Variants in TASP1 observed in about 807,000 individuals in gnomAD.
TASP1 encodes the protein threonine aspartase 1.
TASP1 carries 16 observed loss-of-function variants against 56.6 expected under a neutral mutation model. That is an observed-to-expected ratio of 0.28 (90% CI 0.19 to 0.43). TASP1 has a LOEUF of 0.43. Among genes scored for constraint, TASP1 ranks in the 20% least tolerant of loss-of-function variants. The pLI is 1.00. For synonymous variants in TASP1, 179 were observed against 184.2 expected (o/e 0.97, Z 0.23); for missense variants, 393 against 511.6 (o/e 0.77, Z 2.24).
chr20:13,146,851 A>T, the TASP1 span, among the ~76,000 whole-genome samples: 1 of 152,158 alleles, frequency 6.6e-6, no homozygotes, highest in African/African-American at 2.4e-5. Context: ...CAGTTTTTCC[A>T]AAGAGCCAAC....
chr20:13,449,971 T>C (rs902768863), intron 11 of TASP1, among the ~76,000 whole-genome samples: 1 of 152,120 alleles, frequency 6.6e-6, no homozygotes, highest in Non-Finnish European at 1.5e-5. Context: ...TATAAAGGCA[T>C]ACCTTGAAGA....
intron 10 of TASP1, among the ~76,000 whole-genome samples, chr20:13,493,120 T>C (rs997954408): frequency 6.6e-6 from 1 of 152,086 alleles, no homozygotes; most frequent in Admixed American, 6.6e-5. Context: ...GCAAATACTT[T>C]CACAGATTAA....
At chr20:13,399,935 G>C (rs927131181) in intron 13 of TASP1, among the ~76,000 whole-genome samples, 1 of 152,140 alleles carries the variant, frequency 6.6e-6, no homozygotes, top group African/African-American at 2.4e-5. Flanking sequence ...GTTTGCACCT[G>C]CTATTCCCTA....
At chr20:13,187,679 C>A in the TASP1 span, among the ~76,000 whole-genome samples, 8 of 123,334 alleles carry the variant, frequency 6.5e-5, no homozygotes, top group East Asian at 2.3e-3. Context: ...ACCTGGGAGG[C>A]GGAGGTTGCA....
At chr20:13,249,817 TTTGTTTTG>T in the TASP1 span, among the ~76,000 whole-genome samples, 1 of 144,174 alleles carries the variant, frequency 6.9e-6, no homozygotes, top group South Asian at 2.2e-4. Flanking sequence ...TTTGTTTTGT[TTTGTTTTG>T]TTTTGTTTTG....
chr20:13,348,944 C>T, the TASP1 span, among the ~76,000 whole-genome samples: 1 of 152,208 alleles, frequency 6.6e-6, no homozygotes, highest in Non-Finnish European at 1.5e-5. Context: ...CTGCCACCCC[C>T]AACATGCTGG....
intron 8 of TASP1, among the ~76,000 whole-genome samples, chr20:13,553,517 T>G (rs2046050632): frequency 6.6e-6 from 1 of 152,188 alleles, no homozygotes; most frequent in African/African-American, 2.4e-5. Flanking sequence ...AATAGTCATC[T>G]TTTTCTTCTC....
intron 1 of TASP1, among the ~76,000 whole-genome samples, chr20:13,635,903 A>G (rs2049287626): frequency 6.6e-6 from 1 of 152,018 alleles, no homozygotes; most frequent in South Asian, 2.1e-4. Context: ...TCTCTAAAAG[A>G]TGGTTTTATT....
chr20:13,556,292 G>A (rs1004695825), intron 8 of TASP1, among the ~76,000 whole-genome samples: 13 of 151,766 alleles, frequency 8.6e-5, no homozygotes, highest in Non-Finnish European at 1.5e-4. Flanking sequence ...TTCACTTATC[G>A]TCATCTCCAT....
the TASP1 span, among the ~76,000 whole-genome samples, chr20:13,261,897 C>G: frequency 3.3e-5 from 5 of 152,216 alleles, no homozygotes; most frequent in African/African-American, 1.2e-4. Context: ...CTCTCACCAA[C>G]AGAACACCAG....
At chr20:13,269,024 G>A in the TASP1 span, among the ~76,000 whole-genome samples, 1 of 152,184 alleles carries the variant, frequency 6.6e-6, no homozygotes, top group Non-Finnish European at 1.5e-5. Context: ...TCTTGACCTT[G>A]GGCGCTCAGA....
chr20:13,361,776 C>G, the TASP1 span, among the ~76,000 whole-genome samples: 1 of 152,020 alleles, frequency 6.6e-6, no homozygotes, highest in Non-Finnish European at 1.5e-5. Flanking sequence ...TTTTTCCAAG[C>G]CATCACAGCT....
intron 4 of TASP1, among the ~76,000 whole-genome samples, chr20:13,594,622 A>G (rs761564146): frequency 1.5e-4 from 23 of 152,226 alleles, no homozygotes; most frequent in Non-Finnish European, 1.6e-4. Flanking sequence ...AAAAAAGGAT[A>G]TCAGTGATTG....
chr20:13,505,613 T>A (rs58591136), intron 10 of TASP1, among the ~76,000 whole-genome samples: 3,144 of 152,068 alleles, frequency 0.021, 108 homozygotes, highest in African/African-American at 0.071. Flanking sequence ...GGTGGAAAAC[T>A]AGAAAATTTG....
chr20:13,417,244 G>A (rs2042287303), intron 13 of TASP1, among the ~76,000 whole-genome samples: 1 of 152,152 alleles, frequency 6.6e-6, no homozygotes, highest in African/African-American at 2.4e-5. Flanking sequence ...ATGCTCCCCT[G>A]CTGTGTCACC....
rs530699654 is a variant in TASP1, at chr20:13,442,632, ACT to A, written c.986-7480_986-7479del. ...CCTCCAGCCTGGGCAACAGAGCAAGACTCTGTCTTTAAAAACAAACAAACAAA... is the reference window on the plus strand; with the variant it reads ...CCTCCAGCCTGGGCAACAGAGCAAGACTGTCTTTAAAAACAAACAAACAAA... On this transcript the variant is annotated intron_variant, in intron 11 of 13. Coordinates refer to ENST00000337743, the MANE Select transcript of TASP1 (RefSeq NM_017714.3). Among the ~76,000 whole-genome samples, 202 of 151,398 alleles carry A rather than the reference ACT, an allele frequency of 1.3e-3. 5 individuals are homozygous for A. Among genetic ancestry groups the A allele is most frequent in the African/African-American group, 4.2e-3 (172 of 40,798 alleles).
At chr20:13,466,834 T>C (rs921665527) in intron 11 of TASP1, among the ~76,000 whole-genome samples, 1 of 152,136 alleles carries the variant, frequency 6.6e-6, no homozygotes, top group Admixed American at 6.5e-5. Flanking sequence ...GACATGACTA[T>C]CTCATGAGGA....
the TASP1 span, chr20:13,165,131 TA>T: frequency 5.5e-6 from 2 of 365,046 alleles, no homozygotes; most frequent in Non-Finnish European, 9.9e-6. Context: ...CTTCTGAGAA[TA>T]TTTTTAATGG....
chr20:13,111,756 T>C, the TASP1 span, among the ~76,000 whole-genome samples: 1 of 152,178 alleles, frequency 6.6e-6, no homozygotes, highest in African/African-American at 2.4e-5. Context: ...ACTGGGCATC[T>C]CCTTTAAGCA....
Sources: gnomAD v4.1 joint callset for allele counts (sites outside exome capture counted in the v4.1 genomes callset) on GRCh38, gnomAD v4.1.1 for gene constraint, MANE v1.5 for transcripts, NCBI Gene and HGNC (gene_info 2026-07-23, HGNC 2026-07-21) for gene names.